The following ATE1 variants were observed in gnomAD, a reference collection of about 807,000 sequenced individuals.
The protein encoded by ATE1 is arginyltransferase 1.
Under a neutral mutation model 70.5 loss-of-function variants are expected in ATE1, and 36 were observed. That is an observed-to-expected ratio of 0.51 (90% confidence interval 0.39 to 0.67). The LOEUF (loss-of-function observed/expected upper bound fraction) is 0.67, where lower values mean the gene tolerates loss of function less well. Among genes scored for constraint, ATE1 ranks in the 30% least tolerant of loss-of-function variants. The pLI is 0.00. For synonymous variants in ATE1, 232 were observed against 219.3 expected (o/e 1.06, Z -0.51); for missense variants, 593 against 629.5 (o/e 0.94, Z 0.62).
chr10:121,797,889 C>A (rs1306635775), intron 10 of ATE1, among the ~76,000 whole-genome samples: 1 of 152,196 alleles, frequency 6.6e-6, no homozygotes, highest in Admixed American at 6.5e-5. Context: ...CACTGTCTAA[C>A]CGTCTTGTTA....
chr10:121,837,506 A>G (rs924111814), intron 9 of ATE1, among the ~76,000 whole-genome samples: 2 of 152,180 alleles, frequency 1.3e-5, no homozygotes, highest in Non-Finnish European at 2.9e-5. Context: ...CTAAATGACT[A>G]GTTTGAAAGT....
intron 9 of ATE1, among the ~76,000 whole-genome samples, chr10:121,837,872 C>T (rs1248159576): frequency 6.6e-6 from 1 of 152,142 alleles, no homozygotes; most frequent in Non-Finnish European, 1.5e-5. Context: ...TCCGAGAAGG[C>T]CCACCCAGCC....
intron 5 of ATE1, among the ~76,000 whole-genome samples, chr10:121,902,927 A>G (rs1273828094): frequency 2.6e-5 from 4 of 152,056 alleles, no homozygotes; most frequent in Admixed American, 1.3e-4. Flanking sequence ...GTGCAATGGC[A>G]TGATCTCAGC....
intron 11 of ATE1, among the ~76,000 whole-genome samples, chr10:121,751,478 A>G (rs80279826): frequency 0.072 from 10,920 of 152,296 alleles, 434 homozygotes; most frequent in Middle Eastern, 0.13. Context: ...GAGCACTGCT[A>G]TTAGCTGCTT....
rs982308754 is a variant in ATE1, at chr10:121,743,467, G to A, written c.*213C>T. 3 of 925,206 alleles carry A rather than the reference G, an allele frequency of 3.2e-6. No individual in the cohort carries two copies. Among genetic ancestry groups the A allele is most frequent in the Non-Finnish European group, 4.2e-6 (3 of 707,098 alleles). 57.3% of individuals were successfully genotyped at this position (925,206 alleles called of 1,614,324 possible). On this transcript the variant is annotated 3_prime_UTR_variant, in exon 12 of 12. Coordinates refer to ENST00000224652, the MANE Select transcript of ATE1 (RefSeq NM_001001976.3). ...CAAAATGATAAATCCCAATTATGGGGGCTAGGTCATAATGCAGTTTTAAAA... is the reference window on the plus strand; with the variant it reads ...CAAAATGATAAATCCCAATTATGGGAGCTAGGTCATAATGCAGTTTTAAAA...
upstream of ATE1, chr10:121,928,214 G>A: frequency 7.5e-7 from 1 of 1,334,474 alleles, no homozygotes; most frequent in Non-Finnish European, 9.7e-7. Context: ...AGACAGAGCG[G>A]GAAGGGAAAC....
intron 11 of ATE1, among the ~76,000 whole-genome samples, chr10:121,747,041 G>A (rs911520477): frequency 6.6e-6 from 1 of 152,160 alleles, no homozygotes; most frequent in Non-Finnish European, 1.5e-5. Context: ...TGTGCTGTTA[G>A]CCAAAAAGAA....
intron 10 of ATE1, among the ~76,000 whole-genome samples, chr10:121,792,518 C>T (rs1367480472): frequency 3.9e-5 from 6 of 152,176 alleles, no homozygotes; most frequent in Non-Finnish European, 8.8e-5. Context: ...CAGTAGAAGG[C>T]CATCTACCAC....
intron 7 of ATE1, among the ~76,000 whole-genome samples, chr10:121,874,787 C>T (rs1038772632): frequency 2.6e-5 from 4 of 152,056 alleles, no homozygotes; most frequent in African/African-American, 7.2e-5. Flanking sequence ...AGGTGGATCA[C>T]GAGGTCAAGA....
At chr10:121,901,418 T>G (rs1950977651) in intron 6 of ATE1, among the ~76,000 whole-genome samples, 1 of 152,216 alleles carries the variant, frequency 6.6e-6, no homozygotes, top group Admixed American at 6.5e-5. Context: ...GACCAGTTAC[T>G]AATCACATAT....
chr10:121,801,051 G>A (rs1946858822), intron 10 of ATE1, among the ~76,000 whole-genome samples: 1 of 152,168 alleles, frequency 6.6e-6, no homozygotes, highest in Non-Finnish European at 1.5e-5. Flanking sequence ...TTTGGATTGT[G>A]CCATGCTCAG....
intron 10 of ATE1, among the ~76,000 whole-genome samples, chr10:121,807,791 G>A (rs186470359): frequency 6.6e-6 from 1 of 152,082 alleles, no homozygotes; most frequent in Non-Finnish European, 1.5e-5. Flanking sequence ...ACTAAAAATG[G>A]GTTTTACATT....
intron 5 of ATE1, among the ~76,000 whole-genome samples, chr10:121,907,250 T>C (rs1032703195): frequency 7.5e-5 from 11 of 147,600 alleles, no homozygotes; most frequent in Non-Finnish European, 1.3e-4. Flanking sequence ...AGGCCAGGAG[T>C]TCGAGACCAG....
At chr10:121,855,912 C>T (rs1029906228) in intron 8 of ATE1, among the ~76,000 whole-genome samples, 1 of 151,326 alleles carries the variant, frequency 6.6e-6, no homozygotes, top group Non-Finnish European at 1.5e-5. Context: ...CTGGTCTCTA[C>T]TAAAAATACA....
intron 11 of ATE1, among the ~76,000 whole-genome samples, chr10:121,761,790 T>A (rs1020213572): frequency 6.6e-6 from 1 of 152,210 alleles, no homozygotes; most frequent in African/African-American, 2.4e-5. Context: ...AATCTGTATA[T>A]AATCTCTGTA....
At position 121,878,579 on chromosome 10, in the gene ATE1, G is replaced by A. The variant is rs549324821; in HGVS notation, c.943-8541C>T. Reference sequence around the variant, plus strand: ...CTGCGCTCCAGCCTGGGCGACAGAGGGAGACTGTGTCTCAAAAAAAAAAGA... The same window carrying A: ...CTGCGCTCCAGCCTGGGCGACAGAGAGAGACTGTGTCTCAAAAAAAAAAGA... On this transcript the variant is annotated intron_variant, in intron 7 of 11. Coordinates refer to ENST00000224652, the MANE Select transcript of ATE1 (RefSeq NM_001001976.3). 1.2e-3 allele frequency among the ~76,000 whole-genome samples: 187 copies of A among 150,636 alleles called. 1 individual carries two copies. The highest frequency in any genetic ancestry group is 1.7e-3 in the Admixed American group (25 of 15,084).
intron 7 of ATE1, among the ~76,000 whole-genome samples, chr10:121,889,823 A>G (rs1045359438): frequency 6.6e-6 from 1 of 152,164 alleles, no homozygotes; most frequent in African/African-American, 2.4e-5. Context: ...TTAAAAAAAA[A>G]AAAAGTAAAG....
intron 9 of ATE1, among the ~76,000 whole-genome samples, chr10:121,837,573 G>GT (rs1053960870): frequency 6.6e-6 from 1 of 152,032 alleles, no homozygotes; most frequent in African/African-American, 2.4e-5. Flanking sequence ...TTGTTTTTAT[G>GT]TTTGTTTCTT....
In ATE1 at chr10:121,740,547, T is replaced by G. The variant is rs1219020983; in HGVS notation, c.*3133A>C. On this transcript the variant is annotated 3_prime_UTR_variant, in exon 12 of 12. Coordinates refer to ENST00000224652, the MANE Select transcript of ATE1 (RefSeq NM_001001976.3). ...TTCTTTTGCCTTATAGTCATTGGCT[T>G]TCTTTTAGAAAAGAGTGTGCACTTG... 5.9e-5 allele frequency: 9 copies of G among 152,248 alleles called. No homozygotes were observed. Among genetic ancestry groups the G allele is most frequent in the Admixed American group, 5.2e-4 (8 of 15,280 alleles). The allele number at this position is 152,248 out of a possible 1,614,324, so 9.4% of individuals were successfully genotyped here.
Sources: allele counts gnomAD v4.1 joint callset (sites outside exome capture counted in the v4.1 genomes callset), GRCh38; gene constraint gnomAD v4.1.1; transcripts MANE v1.5; gene names NCBI Gene and HGNC (gene_info 2026-07-23, HGNC 2026-07-21).